Variants in MACO1 observed in about 807,000 individuals in gnomAD.
MACO1 encodes the protein macoilin.
MACO1 carries 14 observed loss-of-function variants against 78.7 expected under a neutral mutation model. The observed-to-expected ratio is 0.18, with a 90% CI of 0.12 to 0.28. MACO1 has a LOEUF of 0.28. Among genes scored for constraint, MACO1 ranks in the 10% least tolerant of loss-of-function variants. MACO1 has a pLI of 1.00. For missense variants in MACO1, 501 were observed against 799.0 expected, an observed-to-expected ratio of 0.63 and a Z score of 4.50; for synonymous variants, 288 against 291.6, an observed-to-expected ratio of 0.99 and a Z score of 0.12.
chr1:25,497,249 A>G (rs61775205), intron 10 of MACO1, among the ~76,000 whole-genome samples: 133,880 of 151,764 alleles, frequency 0.88, 59,189 homozygotes, highest in South Asian at 0.92. Flanking sequence ...GCGTGGTGGC[A>G]CATGCTTGTA....
rs1259349144 is a variant in MACO1 at position 25,489,194 on chromosome 1, A to G, written c.1518A>G (p.Leu506=). ...AASRGECTET[L]RNRIRELEAE... ...AAAGGGGAGAATGCACCGAAACCTT[A>G]CGGAATCGGATCAGAGAACTAGAAG... Residue 506 remains leucine (L), a synonymous_variant, in exon 9 of 11, where the codon TTA becomes TTG. Transcript: ENST00000374343. 3 of 1,613,912 alleles carry G rather than the reference A, an allele frequency of 1.9e-6. No individual in the cohort carries two copies. Among genetic ancestry groups the G allele is most frequent in the East Asian group, 2.2e-5 (1 of 44,874 alleles).
intron 10 of MACO1, among the ~76,000 whole-genome samples, chr1:25,492,299 G>A (rs1162308694): frequency 6.6e-6 from 1 of 152,196 alleles, no homozygotes; most frequent in Admixed American, 6.5e-5. Context: ...CCAGCAGGGA[G>A]TATGTCAGGT....
At chr1:25,471,178 A>G (rs1374417225) in intron 6 of MACO1, among the ~76,000 whole-genome samples, 2 of 152,076 alleles carry the variant, frequency 1.3e-5, no homozygotes, top group Non-Finnish European at 1.5e-5. Context: ...GTCTCTACTA[A>G]AAATACAAAA....
chr1:25,490,070 G>T (rs1217958722), intron 9 of MACO1, among the ~76,000 whole-genome samples: 1 of 152,052 alleles, frequency 6.6e-6, no homozygotes, highest in Admixed American at 6.6e-5. Flanking sequence ...AAGAATAAAT[G>T]AGTTTTTAAA....
At chr1:25,466,675 G>A (rs1309424375) in intron 6 of MACO1, among the ~76,000 whole-genome samples, 1 of 152,236 alleles carries the variant, frequency 6.6e-6, no homozygotes, top group African/African-American at 2.4e-5. Context: ...AGAGTTCTTC[G>A]TATATTTTCG....
chr1:25,469,781 C>T (rs767614680), intron 6 of MACO1, among the ~76,000 whole-genome samples: 3 of 151,906 alleles, frequency 2.0e-5, no homozygotes, highest in Non-Finnish European at 4.4e-5. Context: ...GGACTACAGG[C>T]GTGCGCCACC....
intron 6 of MACO1, 68 bp downstream of exon 6, chr1:25,458,960 A>G (rs35530120): frequency 0.46 from 705,481 of 1,533,128 alleles, 168,299 homozygotes; most frequent in East Asian, 0.7. Flanking sequence ...ACATACTCCC[A>G]TATGGGCCTG....
rs749111436 is a variant in MACO1, at chr1:25,498,372, G to A, written c.1901G>A (p.Ser634Asn). 1.2e-6 allele frequency: 2 copies of A among 1,613,950 alleles called. No homozygotes were observed. Among genetic ancestry groups the A allele is most frequent in the South Asian group, 2.2e-5 (2 of 91,070 alleles). ...ITYSAATSPL[S>N]PVSPHYSSKF... ...TACAGTGCCGCCACCAGCCCCCTGA[G>A]CCCTGTTTCCCCCCACTACTCTTCC... The change falls in exon 11 of 11, where the codon AGC becomes AAC. Residue 634 changes from serine to asparagine, a missense_variant. Transcript: ENST00000374343.
intron 6 of MACO1, among the ~76,000 whole-genome samples, chr1:25,470,352 A>G (rs2043256812): frequency 1.3e-5 from 2 of 152,230 alleles, no homozygotes; most frequent in South Asian, 4.1e-4. Context: ...GAAAGTTGCA[A>G]CAGAAGGTGG....
chr1:25,479,573 CT>C (rs2043352691), intron 6 of MACO1, among the ~76,000 whole-genome samples: 1 of 152,006 alleles, frequency 6.6e-6, no homozygotes, highest in South Asian at 2.1e-4. Context: ...AGCCCAGCTG[CT>C]TTTTTTGTAT....
chr1:25,477,236 T>C (rs1458666533), intron 6 of MACO1, among the ~76,000 whole-genome samples: 1 of 152,234 alleles, frequency 6.6e-6, no homozygotes, highest in African/African-American at 2.4e-5. Context: ...TGTTGTTTTT[T>C]AACTGAGCCT....
At chr1:25,446,668 AT>A (rs1281993713) in intron 1 of MACO1, 93 bp from the exon 2 acceptor site, 9 of 1,268,970 alleles carry the variant, frequency 7.1e-6, no homozygotes, top group Admixed American at 2.6e-5. Flanking sequence ...ATATGGAGGT[AT>A]TTTTTTGTCG....
chr1:25,481,883 G>A (rs2124605886), intron 6 of MACO1, among the ~76,000 whole-genome samples: 1 of 152,350 alleles, frequency 6.6e-6, no homozygotes, highest in Middle Eastern at 3.4e-3. Context: ...CACTGGACAG[G>A]AGGACTGGCT....
At chr1:25,456,623 C>T (rs1233212584) in intron 4 of MACO1, 30 bp from the exon 5 acceptor site, 1 of 1,602,634 alleles carries the variant, frequency 6.2e-7, no homozygotes. Context: ...TTTAAACCTA[C>T]AATTACTGGC....
intron 3 of MACO1, among the ~76,000 whole-genome samples, chr1:25,453,594 C>T (rs1385339128): frequency 1.4e-5 from 2 of 138,222 alleles, no homozygotes; most frequent in African/African-American, 5.4e-5. Flanking sequence ...ACCTGAGAGG[C>T]GGAGCTTGCA....
At position 25,446,889 on chromosome 1, in the gene MACO1, A is replaced by G; in HGVS notation, c.208A>G (p.Arg70Gly). The G allele has an allele frequency of 6.2e-7, 1 of 1,613,214 alleles. No homozygotes were observed. The highest frequency in any genetic ancestry group is 8.5e-7 in the Non-Finnish European group (1 of 1,179,698). ...CATCAGAAGCGTCTATGATTCCTTCAGATACCAGGGACTGGTATGTCTGGT... is the reference window on the plus strand; with the variant it reads ...CATCAGAAGCGTCTATGATTCCTTCGGATACCAGGGACTGGTATGTCTGGT... The part of the protein sequence containing the change: ...LFIRSVYDSF[R>G]YQGLAFSVFF... Residue 70 changes from arginine (R) to glycine (G), a missense_variant, in exon 2 of 11, where the codon AGA becomes GGA. By Grantham distance (125) the Arg-to-Gly change is moderately radical. Coordinates refer to ENST00000374343, the MANE Select transcript of MACO1 (RefSeq NM_018202.6).
At chr1:25,491,636 A>T in intron 10 of MACO1, 52 bp downstream of exon 10, 3 of 1,546,118 alleles carry the variant, frequency 1.9e-6, no homozygotes, top group Non-Finnish European at 2.7e-6. Context: ...ATGCACAGGG[A>T]TGCACAGGCC....
In MACO1 at chr1:25,431,019, C is replaced by A; in HGVS notation, c.-80C>A. On this transcript the variant is annotated 5_prime_UTR_variant, in exon 1 of 11. Coordinates refer to ENST00000374343, the MANE Select transcript of MACO1 (RefSeq NM_018202.6). ...CCTCAGGGGTAGAGTCCAGGCCCGA[C>A]GCGGGGCGGGCCAGCGGCGGCGGCA... is the stretch of plus-strand genomic sequence containing the variant. The A allele has an allele frequency of 1.6e-6, 2 of 1,268,060 alleles. No homozygotes were observed. The highest frequency in any genetic ancestry group is 1.4e-5 in the South Asian group (1 of 69,484). 78.6% of individuals were successfully genotyped at this position (1,268,060 alleles called of 1,614,324 possible).
At chr1:25,456,505 A>G (rs773195561) in intron 4 of MACO1, 148 bp from the exon 5 acceptor site, 8 of 788,172 alleles carry the variant, frequency 1.0e-5, no homozygotes, top group Non-Finnish European at 1.6e-5. Context: ...CATTACATTT[A>G]TTTGTGTGTC....
Sources: allele counts gnomAD v4.1 joint callset (sites outside exome capture counted in the v4.1 genomes callset), GRCh38; gene constraint gnomAD v4.1.1; transcripts MANE v1.5; gene names NCBI Gene and HGNC (gene_info 2026-07-23, HGNC 2026-07-21).